The following NRXN3 variants were observed in gnomAD, a reference collection of about 807,000 sequenced individuals.
The protein encoded by NRXN3 is neurexin III.
Under a neutral mutation model 137.6 loss-of-function variants are expected in NRXN3, and 32 were observed. The ratio of observed to expected loss-of-function variants is 0.23; its 90% CI spans 0.18 to 0.31. The LOEUF is 0.31. NRXN3 is among the 10% of genes least tolerant of loss of function. The pLI, the probability that NRXN3 is intolerant of heterozygous loss-of-function variation, is 1.00. For missense variants in NRXN3, 1,574 were observed against 2,062.5 expected (o/e 0.76, Z 4.59); for synonymous variants, 798 against 784.5 (o/e 1.02, Z -0.29).
intron 4 of NRXN3, among the ~76,000 whole-genome samples, chr14:78,475,112 G>A (rs1405962773): frequency 6.6e-6 from 1 of 152,174 alleles, no homozygotes; most frequent in African/African-American, 2.4e-5. Flanking sequence ...GATAGAGTGG[G>A]TGACATATAA....
intron 4 of NRXN3, among the ~76,000 whole-genome samples, chr14:78,404,634 G>A (rs183228678): frequency 7.9e-5 from 12 of 152,220 alleles, no homozygotes; most frequent in Admixed American, 2.6e-4. Context: ...GTTAGTGATC[G>A]GCTTGAGACC....
intron 19 of NRXN3, among the ~76,000 whole-genome samples, chr14:79,755,981 A>C (rs2099018146): frequency 6.6e-6 from 1 of 152,146 alleles, no homozygotes; most frequent in Non-Finnish European, 1.5e-5. Context: ...AAAAGTAAGT[A>C]ATTTTCATTT....
chr14:79,147,232 C>T (rs776223874), intron 15 of NRXN3, among the ~76,000 whole-genome samples: 4 of 152,290 alleles, frequency 2.6e-5, no homozygotes, highest in Middle Eastern at 3.4e-3. Flanking sequence ...GGAGAGCTGA[C>T]GTTGAATGCT....
chr14:79,320,806 G>A (rs1387318948), intron 15 of NRXN3, among the ~76,000 whole-genome samples: 1 of 151,802 alleles, frequency 6.6e-6, no homozygotes, highest in Non-Finnish European at 1.5e-5. Context: ...CGTGTCATAT[G>A]TGGATAGATC....
At chr14:79,207,363 T>C (rs1248641675) in intron 15 of NRXN3, among the ~76,000 whole-genome samples, 1 of 152,008 alleles carries the variant, frequency 6.6e-6, no homozygotes, top group Non-Finnish European at 1.5e-5. Context: ...GCTTCAATTG[T>C]AGAGAAAACC....
At chr14:79,705,450 G>C (rs2098773828) in intron 19 of NRXN3, among the ~76,000 whole-genome samples, 1 of 152,148 alleles carries the variant, frequency 6.6e-6, no homozygotes, top group Non-Finnish European at 1.5e-5. Flanking sequence ...TGCAAGCTTA[G>C]ATTTTCATCT....
At chr14:79,429,842 A>G (rs977943798) in intron 15 of NRXN3, among the ~76,000 whole-genome samples, 18 of 152,200 alleles carry the variant, frequency 1.2e-4, no homozygotes, top group African/African-American at 4.3e-4. Context: ...CTTCAATGCC[A>G]TATGAGAAAA....
At chr14:78,297,258 G>C (rs2076433761) in intron 3 of NRXN3, among the ~76,000 whole-genome samples, 1 of 152,098 alleles carries the variant, frequency 6.6e-6, no homozygotes, top group African/African-American at 2.4e-5. Flanking sequence ...CTTGTAAACA[G>C]GAACTTATTT....
At chr14:79,421,223 G>A (rs371589220) in intron 15 of NRXN3, among the ~76,000 whole-genome samples, 60 of 152,206 alleles carry the variant, frequency 3.9e-4, no homozygotes, top group African/African-American at 1.4e-3. Flanking sequence ...TTGCTCCCCA[G>A]TAAATGACAA....
At chr14:79,299,038 T>C (rs1280500258) in intron 15 of NRXN3, 1 of 152,286 alleles carries the variant, frequency 6.6e-6, no homozygotes, top group African/African-American at 2.4e-5. Flanking sequence ...CAGGAACTGC[T>C]AGGCCACATT....
At chr14:78,531,501 T>A (rs1393519752) in intron 4 of NRXN3, among the ~76,000 whole-genome samples, 3 of 152,204 alleles carry the variant, frequency 2.0e-5, no homozygotes, top group African/African-American at 7.2e-5. Flanking sequence ...GAGAGAGAAT[T>A]CAAGTTTTAC....
At chr14:78,255,654 C>T (rs1046089175) in intron 2 of NRXN3, among the ~76,000 whole-genome samples, 5 of 152,148 alleles carry the variant, frequency 3.3e-5, no homozygotes, top group Non-Finnish European at 2.9e-5. Context: ...AACTGTAAGA[C>T]GTGAAACCAA....
intron 9 of NRXN3, 129 bp from the exon 10 acceptor site, chr14:78,810,189 A>G: frequency 9.6e-6 from 6 of 626,500 alleles, no homozygotes; most frequent in East Asian, 3.1e-5. Flanking sequence ...TACATACTTT[A>G]TATATATAAA....
intron 1 of NRXN3, among the ~76,000 whole-genome samples, chr14:78,230,049 G>A (rs1232610202): frequency 6.6e-6 from 1 of 152,028 alleles, no homozygotes; most frequent in Non-Finnish European, 1.5e-5. Flanking sequence ...TCTTGAGACA[G>A]GGTTTCCCTC....
chr14:78,785,281 G>C (rs2098785435), intron 8 of NRXN3, among the ~76,000 whole-genome samples: 1 of 152,116 alleles, frequency 6.6e-6, no homozygotes, highest in Non-Finnish European at 1.5e-5. Flanking sequence ...ATAATTAGTT[G>C]TTGACTCAAG....
intron 15 of NRXN3, among the ~76,000 whole-genome samples, chr14:79,358,615 A>AAGAAAGAAAG (rs2093549292): frequency 7.6e-6 from 1 of 130,752 alleles, no homozygotes; most frequent in African/African-American, 3.0e-5. Flanking sequence ...AAGAGAAAGA[A>AAGAAAGAAAG]AGAAAGAAAG....
chr14:78,406,768 C>T (rs925645531), intron 4 of NRXN3, among the ~76,000 whole-genome samples: 2 of 152,190 alleles, frequency 1.3e-5, no homozygotes, highest in African/African-American at 2.4e-5. Flanking sequence ...ATGCTGATAG[C>T]GTCCTCCTAG....
At chr14:78,613,574 C>A (rs1334791062) in intron 4 of NRXN3, among the ~76,000 whole-genome samples, 3 of 138,948 alleles carry the variant, frequency 2.2e-5, no homozygotes, top group African/African-American at 5.5e-5. Flanking sequence ...GTCTCACAAC[C>A]ATAGTTTTTT....
intron 15 of NRXN3, among the ~76,000 whole-genome samples, chr14:79,410,502 C>T (rs1360447002): frequency 6.6e-6 from 1 of 151,026 alleles, no homozygotes; most frequent in African/African-American, 2.4e-5. Context: ...GAACTTAAAG[C>T]TTTTTCTTTT....
Sources: gnomAD v4.1 joint callset for allele counts (sites outside exome capture counted in the v4.1 genomes callset) on GRCh38, gnomAD v4.1.1 for gene constraint, MANE v1.5 for transcripts, NCBI Gene and HGNC (gene_info 2026-07-23, HGNC 2026-07-21) for gene names.